The following DPP10 variants were observed in gnomAD, a reference collection of about 807,000 sequenced individuals.
DPP10 encodes inactive dipeptidyl peptidase 10.
In DPP10, 33 loss-of-function variants were observed where a neutral mutation model predicts 120.9. The ratio of observed to expected loss-of-function variants is 0.27; its 90% confidence interval spans 0.21 to 0.37. DPP10 has a LOEUF of 0.37. DPP10 is among the 10% of genes least tolerant of loss of function. DPP10 has a pLI of 1.00. For missense variants in DPP10, 816 were observed against 942.8 expected, an observed-to-expected ratio of 0.87 and a Z score of 1.76; for synonymous variants, 337 against 326.1, an observed-to-expected ratio of 1.03 and a Z score of -0.36.
In DPP10 at chr2:114,810,500, A is replaced by T. The variant is rs1384640383; in HGVS notation, c.60+367662A>T. Among the ~76,000 whole-genome samples, 7 of 152,314 alleles carry T rather than the reference A, an allele frequency of 4.6e-5. No individual in the cohort carries two copies. The East Asian group carries it at 1.2e-3, about 25-fold the overall frequency. On this transcript the variant is annotated intron_variant, in intron 1 of 25. Transcript: ENST00000410059. ...CTTGGGCCAAATTTGCAAGCCACTG[A>T]CTTAGATCATCATACAATAAGATAT...
rs369710000 is a variant in DPP10 at position 115,384,696 on chromosome 2, A to AAAG, written c.271+40787_271+40789dup. On this transcript the variant is annotated intron_variant, in intron 3 of 25. Transcript: ENST00000410059. ...GGAAGAAGAAGAGGAAGAAGAAGAA[A>AAAG]AAGAAAGAAGAAAGAAGAAGAAGAA... is the stretch of plus-strand genomic sequence containing the variant. 5.2e-3 allele frequency among the ~76,000 whole-genome samples: 723 copies of AAAG among 138,688 alleles called. 5 individuals are homozygous for AAAG. The highest frequency in any genetic ancestry group is 0.022 in the African/African-American group (705 of 32,714). The allele number at this position is 138,688 out of a possible 152,430, so 91.0% of individuals were successfully genotyped here.
At chr2:115,661,229 G>A (rs556276407) in intron 5 of DPP10, among the ~76,000 whole-genome samples, 6 of 152,228 alleles carry the variant, frequency 3.9e-5, no homozygotes, top group East Asian at 3.9e-4. Context: ...GATTACAGGC[G>A]TGAGCCACCG....
At chr2:115,269,379 A>G (rs2059596464) in intron 1 of DPP10, among the ~76,000 whole-genome samples, 1 of 152,188 alleles carries the variant, frequency 6.6e-6, no homozygotes. Context: ...TTCTGGCTTA[A>G]AACTACTCAT....
intron 3 of DPP10, among the ~76,000 whole-genome samples, chr2:115,396,929 C>T (rs1254652602): frequency 2.0e-5 from 3 of 152,174 alleles, no homozygotes; most frequent in African/African-American, 7.2e-5. Flanking sequence ...GAAAGATGCT[C>T]CTGTCACGCT....
rs547526434 is a variant in DPP10 at position 114,681,060 on chromosome 2, A to T, written c.60+238222A>T. ...TTAATTAAGCTGATCTTCTCCAAAAATATCCTACCCAATTCTGCTCCAACT... is the reference window on the plus strand; with the variant it reads ...TTAATTAAGCTGATCTTCTCCAAAATTATCCTACCCAATTCTGCTCCAACT... On this transcript the variant is annotated intron_variant, in intron 1 of 25. Transcript: ENST00000410059. Among the ~76,000 whole-genome samples the T allele has an allele frequency of 3.3e-5, 5 of 152,070 alleles. No individual in the cohort carries two copies. In the South Asian group the frequency reaches 1.0e-3, roughly 31 times the overall value.
chr2:115,330,938 G>T (rs370013854), intron 2 of DPP10, among the ~76,000 whole-genome samples: 6 of 151,880 alleles, frequency 4.0e-5, no homozygotes, highest in African/African-American at 1.2e-4. Flanking sequence ...TGAACTTTAA[G>T]GTAGTTTTTT....
intron 1 of DPP10, among the ~76,000 whole-genome samples, chr2:114,952,659 G>A (rs1697882428): frequency 1.3e-5 from 2 of 152,180 alleles, no homozygotes. Context: ...AGAGCTCCTG[G>A]TGTCTGTCTG....
intron 1 of DPP10, among the ~76,000 whole-genome samples, chr2:114,937,184 G>T (rs1340684148): frequency 6.6e-6 from 1 of 152,088 alleles, no homozygotes; most frequent in East Asian, 1.9e-4. Flanking sequence ...GTCTAGAAGG[G>T]TTTTCTGAAG....
intron 1 of DPP10, among the ~76,000 whole-genome samples, chr2:114,738,029 G>T (rs1677633460): frequency 6.6e-6 from 1 of 152,192 alleles, no homozygotes; most frequent in African/African-American, 2.4e-5. Context: ...GGAAGGTGAA[G>T]GGGAAGCAGG....
intron 1 of DPP10, among the ~76,000 whole-genome samples, chr2:114,872,337 C>G (rs1401871492): frequency 6.6e-6 from 1 of 152,104 alleles, no homozygotes; most frequent in African/African-American, 2.4e-5. Flanking sequence ...AACTCACTCA[C>G]TATCACAAGA....
chr2:114,741,121 A>C (rs1392611769), intron 1 of DPP10, among the ~76,000 whole-genome samples: 1 of 152,210 alleles, frequency 6.6e-6, no homozygotes, highest in African/African-American at 2.4e-5. Context: ...AATAGGGAAG[A>C]ATCATTGAGC....
intron 1 of DPP10, among the ~76,000 whole-genome samples, chr2:114,848,452 A>G (rs1455033908): frequency 6.6e-6 from 1 of 152,202 alleles, no homozygotes; most frequent in African/African-American, 2.4e-5. Context: ...ACTTCTAACA[A>G]AAATTACATT....
intron 1 of DPP10, among the ~76,000 whole-genome samples, chr2:114,541,241 A>G (rs190362836): frequency 5.8e-4 from 89 of 152,226 alleles, no homozygotes; most frequent in African/African-American, 2.0e-3. Context: ...TACTCCCCTG[A>G]CATACTCGGG....
At chr2:115,062,603 A>G (rs1431275063) in intron 1 of DPP10, among the ~76,000 whole-genome samples, 1 of 152,018 alleles carries the variant, frequency 6.6e-6, no homozygotes, top group Non-Finnish European at 1.5e-5. Context: ...ACGTGTTCAC[A>G]TTGTTCAGCT....
At chr2:115,296,931 T>C (rs770335590) in intron 1 of DPP10, among the ~76,000 whole-genome samples, 3 of 152,094 alleles carry the variant, frequency 2.0e-5, no homozygotes, top group Non-Finnish European at 4.4e-5. Flanking sequence ...TAAAACTGAC[T>C]GTTTCAGAGG....
intron 1 of DPP10, among the ~76,000 whole-genome samples, chr2:115,067,312 C>T (rs866210360): frequency 3.3e-5 from 5 of 151,804 alleles, no homozygotes; most frequent in African/African-American, 4.8e-5. Flanking sequence ...AGTGCGGTGG[C>T]GCCATCTCTG....
intron 1 of DPP10, among the ~76,000 whole-genome samples, chr2:114,581,522 T>A (rs1350020080): frequency 1.3e-5 from 2 of 152,108 alleles, no homozygotes; most frequent in Non-Finnish European, 2.9e-5. Flanking sequence ...TGCAGATAGG[T>A]TCTGTCCAAT....
chr2:115,595,703 T>C (rs2082945424), intron 5 of DPP10, among the ~76,000 whole-genome samples: 1 of 152,108 alleles, frequency 6.6e-6, no homozygotes, highest in Non-Finnish European at 1.5e-5. Flanking sequence ...TCTAATATTT[T>C]ACTTTAGGAC....
intron 1 of DPP10, among the ~76,000 whole-genome samples, chr2:115,300,985 C>T (rs1297829301): frequency 6.6e-6 from 1 of 151,982 alleles, no homozygotes; most frequent in Non-Finnish European, 1.5e-5. Flanking sequence ...GGAAGATGTT[C>T]TCTAAATAGC....
Sources: gnomAD v4.1 joint callset for allele counts (sites outside exome capture counted in the v4.1 genomes callset) on GRCh38, gnomAD v4.1.1 for gene constraint, MANE v1.5 for transcripts, NCBI Gene and HGNC (gene_info 2026-07-23, HGNC 2026-07-21) for gene names.